ZMYND11: variants seen among roughly 807,000 people sequenced by gnomAD.
ZMYND11 encodes the protein zinc finger MYND domain-containing protein 11.
Under a neutral mutation model 84.9 loss-of-function variants are expected in ZMYND11, and 9 were observed. The ratio of observed to expected loss-of-function variants is 0.11; its 90% CI spans 0.06 to 0.18. The LOEUF (loss-of-function observed/expected upper bound fraction) is 0.18. Among genes scored for constraint, ZMYND11 ranks in the 10% least tolerant of loss-of-function variants. The pLI is 1.00. For missense variants in ZMYND11, 409 were observed against 761.0 expected, an observed-to-expected ratio of 0.54 and a Z score of 5.44; for synonymous variants, 250 against 244.1, an observed-to-expected ratio of 1.02 and a Z score of -0.23.
chr10:211,361 T>C (rs1486743617), intron 3 of ZMYND11, among the ~76,000 whole-genome samples: 1 of 152,176 alleles, frequency 6.6e-6, no homozygotes, highest in East Asian at 1.9e-4. Context: ...TGAGAGTGTT[T>C]TATCATAAAT....
chr10:236,804 T>C (rs1950061312), intron 4 of ZMYND11, 34 bp from the exon 5 acceptor site: 2 of 1,561,944 alleles, frequency 1.3e-6, no homozygotes, highest in South Asian at 1.1e-5. Context: ...ATGATCAGAT[T>C]TTGTACCTTT....
intron 1 of ZMYND11, among the ~76,000 whole-genome samples, chr10:170,383 A>G (rs1845008146): frequency 6.8e-6 from 1 of 146,668 alleles, no homozygotes; most frequent in African/African-American, 2.4e-5. Context: ...CTACTAACAG[A>G]TAATTTTTTC....
intron 2 of ZMYND11, among the ~76,000 whole-genome samples, chr10:196,519 A>G (rs1431558617): frequency 6.6e-6 from 1 of 152,176 alleles, no homozygotes; most frequent in Non-Finnish European, 1.5e-5. Flanking sequence ...TAACTACACA[A>G]CTTATTTTGA....
At chr10:230,993 T>C (rs1014609701) in intron 4 of ZMYND11, among the ~76,000 whole-genome samples, 13 of 152,246 alleles carry the variant, frequency 8.5e-5, no homozygotes, top group African/African-American at 3.1e-4. Context: ...AGAATGACTT[T>C]TACGTTTTCA....
At position 253,920 on chromosome 10, in the gene ZMYND11, A is replaced by G. The variant is rs996266714; in HGVS notation, c.*1450A>G. 1 of 152,636 alleles carries G rather than the reference A, an allele frequency of 6.6e-6. No homozygotes were observed. Among genetic ancestry groups the G allele is most frequent in the African/African-American group, 2.4e-5 (1 of 41,462 alleles). 9.5% of individuals were successfully genotyped at this position (152,636 alleles called of 1,614,324 possible). The stretch of plus-strand genomic sequence containing the variant: ...CTAAGTCTTCTGTGAAATATCATCC[A>G]TCTAATCTTGATGCTGTTGCAGATG... On this transcript the variant is annotated 3_prime_UTR_variant, in exon 15 of 15. Transcript: ENST00000381604.
At chr10:197,584 G>A (rs1942116911) in intron 2 of ZMYND11, among the ~76,000 whole-genome samples, 1 of 152,196 alleles carries the variant, frequency 6.6e-6, no homozygotes, top group Admixed American at 6.5e-5. Context: ...TAATGCAAAG[G>A]AGAAGCCTCA....
rs184594903 is a variant in ZMYND11 at position 154,435 on chromosome 10, A to G, written c.-20+18876A>G. On this transcript the variant is annotated intron_variant, in intron 1 of 14. Transcript: ENST00000381604. ...AGAAAAAAGCAAAAAACCTGGTGTC[A>G]TAGATGTCGAGACGGATGCCTGTTA... Among the ~76,000 whole-genome samples, 36 of 152,330 alleles carry G rather than the reference A, an allele frequency of 2.4e-4. No homozygotes were observed. The East Asian group carries it at 6.8e-3, about 29-fold the overall frequency.
At chr10:144,230 G>GT (rs1414248132) in intron 1 of ZMYND11, among the ~76,000 whole-genome samples, 3 of 151,954 alleles carry the variant, frequency 2.0e-5, no homozygotes, top group Admixed American at 2.0e-4. Context: ...TTTAATTTTT[G>GT]TTTTTTACGA....
intron 4 of ZMYND11, among the ~76,000 whole-genome samples, chr10:229,959 C>T (rs956672535): frequency 6.6e-6 from 1 of 152,266 alleles, no homozygotes; most frequent in South Asian, 2.1e-4. Flanking sequence ...CCTAGATCTC[C>T]TCTATAATCT....
At chr10:137,856 A>G (rs1477572819) in intron 1 of ZMYND11, among the ~76,000 whole-genome samples, 1 of 152,184 alleles carries the variant, frequency 6.6e-6, no homozygotes, top group Non-Finnish European at 1.5e-5. Flanking sequence ...CAGAATCAAA[A>G]TATTTGTCTT....
At chr10:159,541 T>C (rs1554760914) in intron 1 of ZMYND11, among the ~76,000 whole-genome samples, 1 of 152,184 alleles carries the variant, frequency 6.6e-6, no homozygotes, top group Non-Finnish European at 1.5e-5. Flanking sequence ...GCATTACTTT[T>C]TGTGTTTTCT....
At chr10:240,137 ACTCTTTCTATAACTGAAATT>A in intron 8 of ZMYND11, 26 bp downstream of exon 8, 1 of 1,532,462 alleles carries the variant, frequency 6.5e-7, no homozygotes, top group East Asian at 2.3e-5. Flanking sequence ...CAATAGTTAT[ACTCTTTCTATAACTGAAATT>A]AATTTATTTC....
At chr10:188,745 T>A (rs905698843) in intron 2 of ZMYND11, among the ~76,000 whole-genome samples, 3 of 152,308 alleles carry the variant, frequency 2.0e-5, no homozygotes, top group African/African-American at 7.2e-5. Context: ...CACATCTGAT[T>A]TGGACTATTA....
Position 254,403 on chromosome 10 carries a change from A to G in ZMYND11, c.*1933A>G, listed in dbSNP as rs1302492101. On this transcript the variant is annotated 3_prime_UTR_variant, in exon 15 of 15. Coordinates refer to ENST00000381604, the MANE Select transcript of ZMYND11 (RefSeq NM_001370100.5). ...AAAAGAGATTGTGGCCTGGTTTTGT[A>G]AAAGTTTTAGGTAAAATTACAATTG... The G allele has an allele frequency of 6.6e-6, 1 of 152,648 alleles. No individual in the cohort carries two copies. The highest frequency in any genetic ancestry group is 2.4e-5 in the African/African-American group (1 of 41,448). The allele number at this position is 152,648 out of a possible 1,614,324, so 9.5% of individuals were successfully genotyped here.
intron 1 of ZMYND11, among the ~76,000 whole-genome samples, chr10:162,358 A>G (rs1329695758): frequency 6.6e-6 from 1 of 152,210 alleles, no homozygotes; most frequent in Non-Finnish European, 1.5e-5. Flanking sequence ...ACTTAACAAA[A>G]TGTTATCCAG....
intron 4 of ZMYND11, among the ~76,000 whole-genome samples, chr10:230,693 GAAAT>G (rs978550280): frequency 2.7e-4 from 41 of 152,268 alleles, no homozygotes; most frequent in Non-Finnish European, 3.1e-4. Flanking sequence ...TCACACATCA[GAAAT>G]AAAATTATTT....
Position 166,767 on chromosome 10 carries a change from C to T in ZMYND11, c.-19-13227C>T, listed in dbSNP as rs1276314022. Among the ~76,000 whole-genome samples the T allele has an allele frequency of 2.6e-5, 4 of 152,054 alleles. 1 individual carries two copies. The highest frequency in any genetic ancestry group is 6.6e-5 in the Admixed American group (1 of 15,250). On this transcript the variant is annotated intron_variant, in intron 1 of 14. Transcript: ENST00000381604. ...GGTATATGCCCCAAGGAATTGAAGG[C>T]AGACCCAAGCAGATACTTGTATGCC... is the stretch of plus-strand genomic sequence containing the variant.
chr10:234,536 G>C (rs185336424), intron 4 of ZMYND11, among the ~76,000 whole-genome samples: 1 of 152,328 alleles, frequency 6.6e-6, no homozygotes, highest in Admixed American at 6.5e-5. Context: ...CCCACTGATA[G>C]TATTACAAGA....
In ZMYND11 at chr10:246,916, T is replaced by G. The variant is rs1191812207; in HGVS notation, c.1101T>G (p.Asn367Lys). ...LREGRFWKSK[N>K]EDRGEEEAES... is the part of the protein sequence containing the mutation. ...AAGGGAGATTTTGGAAATCTAAGAA[T>G]GAGGACCGAGGTGAGGAAGAGGCAG... The change falls in exon 11 of 15, where the codon AAT (asparagine) becomes AAG (lysine). Residue 367 changes from asparagine (N) to lysine (K), a missense_variant. Around this residue, in one of 7 missense-constraint regions of ZMYND11, gnomAD observed 48 missense variants for 61.1 expected, o/e 0.79. Transcript: ENST00000381604. 1 of 1,613,132 alleles carries G rather than the reference T, an allele frequency of 6.2e-7. No homozygotes were observed.
Sources: allele counts gnomAD v4.1 joint callset (sites outside exome capture counted in the v4.1 genomes callset), GRCh38; gene constraint gnomAD v4.1.1; regional missense constraint gnomAD v4.1.1; transcripts MANE v1.5; gene names NCBI Gene and HGNC (gene_info 2026-07-23, HGNC 2026-07-21).